The following SUSD1 variants were observed in gnomAD, a reference collection of about 807,000 sequenced individuals.
SUSD1 encodes sushi domain-containing protein 1.
SUSD1 carries 65 observed loss-of-function variants against 86.9 expected under a neutral mutation model. The observed-to-expected ratio is 0.75, with a 90% CI of 0.61 to 0.92. SUSD1 has a LOEUF of 0.92. Ranked by LOEUF, SUSD1 falls within the 40% of genes least tolerant of loss-of-function variation. The probability of loss-of-function intolerance (pLI) is 0.00; values close to 1 mark genes in which losing one functional copy is unlikely to be tolerated. For missense variants in SUSD1, 850 were observed against 929.7 expected (o/e 0.91, Z 1.11); for synonymous variants, 346 against 350.0 (o/e 0.99, Z 0.13).
chr9:112,172,177 C>A (rs915141984), intron 1 of SUSD1, among the ~76,000 whole-genome samples: 1 of 144,104 alleles, frequency 6.9e-6, no homozygotes, highest in Admixed American at 7.2e-5. Context: ...CCAGCCTGGG[C>A]GACAGAGTGA....
chr9:112,070,021 T>C (rs1589607939), intron 12 of SUSD1, among the ~76,000 whole-genome samples: 1 of 152,222 alleles, frequency 6.6e-6, no homozygotes, highest in Admixed American at 6.5e-5. Context: ...CTTTTGCTTT[T>C]TGAGATGGAG....
chr9:112,129,573 A>T (rs1348559696), intron 5 of SUSD1, among the ~76,000 whole-genome samples: 2 of 152,230 alleles, frequency 1.3e-5, no homozygotes, highest in Non-Finnish European at 2.9e-5. Flanking sequence ...TCGCCCTCCC[A>T]AAGTGCTGGG....
In SUSD1 at chr9:112,113,611, AG is replaced by A. The variant is rs1423876015; in HGVS notation, c.887-744del. ...TGGTTGTGCAGACAGGAAGAACGAAAGGGGATCTAGCTTTTTATTTCTTTGA... is the reference window on the plus strand; with the variant it reads ...TGGTTGTGCAGACAGGAAGAACGAAAGGGATCTAGCTTTTTATTTCTTTGA... On this transcript the variant is annotated intron_variant, in intron 6 of 16. Coordinates refer to ENST00000374270, the MANE Select transcript of SUSD1 (RefSeq NM_022486.5). The surrounding 1 kb of genome is among the most constrained non-coding windows in gnomAD (Gnocchi z 4.1). Among the ~76,000 whole-genome samples, 1 of 152,210 alleles carries A rather than the reference AG, an allele frequency of 6.6e-6. No homozygotes were observed. The highest frequency in any genetic ancestry group is 1.5e-5 in the Non-Finnish European group (1 of 68,034).
intron 1 of SUSD1, among the ~76,000 whole-genome samples, chr9:112,162,259 T>G (rs1378518688): frequency 6.6e-6 from 1 of 152,214 alleles, no homozygotes. Context: ...TTGTTTTCAC[T>G]TGGGGGCTAA....
chr9:112,043,849 G>A (rs189279774), intron 15 of SUSD1, among the ~76,000 whole-genome samples: 33 of 152,086 alleles, frequency 2.2e-4, no homozygotes, highest in African/African-American at 6.5e-4. Context: ...CACCCAGGCT[G>A]GAGTGCAGTG....
rs762062313 is a variant in SUSD1 at position 112,078,617 on chromosome 9, C to G, written c.1674G>C (p.Pro558=). ...GGAGACTGACATTGTAGTTGGTACC[C>G]GGACGTAGGTCCAAGCACACCTCGG... ...RDPEVCLDLR[P]GTNYNVSLRA... is the part of the protein sequence containing the mutation. Residue 558 remains proline, a synonymous_variant, in exon 12 of 17, where the codon CCG becomes CCC. Coordinates refer to ENST00000374270, the MANE Select transcript of SUSD1 (RefSeq NM_022486.5). The G allele has an allele frequency of 6.2e-7, 1 of 1,613,848 alleles. No homozygotes were observed. Among genetic ancestry groups the G allele is most frequent in the Admixed American group, 1.7e-5 (1 of 59,992 alleles).
chr9:112,165,165 TTTAAC>T (rs1426824682), intron 1 of SUSD1, among the ~76,000 whole-genome samples: 2 of 152,184 alleles, frequency 1.3e-5, no homozygotes, highest in Non-Finnish European at 2.9e-5. Context: ...TATTTTTAAC[TTTAAC>T]TTTTGTGAGT....
Position 112,142,358 on chromosome 9 carries a change from C to G in SUSD1, c.668G>C (p.Gly223Ala), listed in dbSNP as rs566875389. ...VPEDTVSSCTGLGTWESPKLH... is the reference protein window; with the variant it reads ...VPEDTVSSCTALGTWESPKLH... ...TTTTGGGGACTCCCATGTGCCCAGG[C>G]CTGTGCAGCTTGAAACTGTATCTTC... is the stretch of plus-strand genomic sequence containing the variant. Residue 223 changes from glycine (G) to alanine (A), a missense_variant, in exon 5 of 17, where the codon GGC (glycine) becomes GCC (alanine). Physicochemically the swap from Gly to Ala is moderately conservative, Grantham distance 60. Transcript: ENST00000374270. 6.2e-7 allele frequency: 1 copy of G among 1,613,840 alleles called. No homozygotes were observed. The highest frequency in any genetic ancestry group is 1.3e-5 in the African/African-American group (1 of 75,014).
At position 112,064,039 on chromosome 9, in the gene SUSD1, CT is replaced by C. The variant is rs1297631906; in HGVS notation, c.1754-1007del. Among the ~76,000 whole-genome samples, 54 of 52,772 alleles carry C rather than the reference CT, an allele frequency of 1.0e-3. 3 individuals carry two copies. The highest frequency in any genetic ancestry group is 7.4e-4 in the South Asian group (1 of 1,358). The allele number at this position is 52,772 out of a possible 152,430, so 34.6% of individuals were successfully genotyped here. A position where few individuals can be genotyped will look rare whatever the true frequency, so the allele number is the denominator to read the frequency against. On this transcript the variant is annotated intron_variant, in intron 12 of 16. Transcript: ENST00000374270. ...CATCCTTATTTTTTTATTTTTCTTT[CT>C]TTTTTTGGGGGGGGGGCGGGTGGGG...
At chr9:112,053,545 A>G (rs1828319282) in intron 14 of SUSD1, among the ~76,000 whole-genome samples, 1 of 151,066 alleles carries the variant, frequency 6.6e-6, no homozygotes, top group Non-Finnish European at 1.5e-5. Flanking sequence ...AAAATCTGAG[A>G]AAAGCTTAAA....
chr9:112,069,943 T>G (rs1379131899), intron 12 of SUSD1, among the ~76,000 whole-genome samples: 1 of 152,166 alleles, frequency 6.6e-6, no homozygotes, highest in Non-Finnish European at 1.5e-5. Flanking sequence ...TGAGACCATT[T>G]TCTGCTCTGT....
chr9:112,063,343 C>T (rs1301904161), intron 12 of SUSD1, among the ~76,000 whole-genome samples: 2 of 152,094 alleles, frequency 1.3e-5, no homozygotes, highest in African/African-American at 4.8e-5. Context: ...CAGAGGTTCT[C>T]CTTGGGGTGA....
At chr9:112,104,836 G>T (rs75295541) in intron 8 of SUSD1, 1 of 152,062 alleles carries the variant, frequency 6.6e-6, no homozygotes, top group African/African-American at 2.4e-5. Context: ...AATCCAGAAT[G>T]GGGGGGAAAA....
intron 2 of SUSD1, 29 bp downstream of exon 2, chr9:112,157,471 T>C (rs1463589315): frequency 6.6e-7 from 1 of 1,514,834 alleles, no homozygotes. Flanking sequence ...GATTCAGCTT[T>C]TCAACTTAAC....
Position 112,113,407 on chromosome 9 carries a change from G to A in SUSD1, c.887-539C>T, listed in dbSNP as rs1260665702. 2.0e-5 allele frequency among the ~76,000 whole-genome samples: 3 copies of A among 152,226 alleles called. No individual in the cohort carries two copies. Among genetic ancestry groups the A allele is most frequent in the Non-Finnish European group, 4.4e-5 (3 of 68,038 alleles). On this transcript the variant is annotated intron_variant, in intron 6 of 16. Transcript: ENST00000374270. This position sits in a 1 kb window ranked among gnomAD's most constrained non-coding sequence, Gnocchi z 4.1. ...GTTCCTAGGTACTTCTGGGACTCCTGTAACTGAAGCTATTTAATCCTGGTC... is the reference window on the plus strand; with the variant it reads ...GTTCCTAGGTACTTCTGGGACTCCTATAACTGAAGCTATTTAATCCTGGTC...
At chr9:112,064,046 T>TTTTTTTTTTTTTTTTTTTTTTTTGGG (rs1491139474) in intron 12 of SUSD1, among the ~76,000 whole-genome samples, 1 of 78,656 alleles carries the variant, frequency 1.3e-5, no homozygotes, top group Admixed American at 1.3e-4. Flanking sequence ...TTTCTTTTTT[T>TTTTTTTTTTTTTTTTTTTTTTTTGGG]GGGGGGGGGG....
chr9:112,155,124 G>A (rs1432567956), intron 2 of SUSD1, among the ~76,000 whole-genome samples: 2 of 151,864 alleles, frequency 1.3e-5, no homozygotes, highest in Non-Finnish European at 2.9e-5. Context: ...GGTGGTGCCC[G>A]CCTGTAATCC....
intron 1 of SUSD1, among the ~76,000 whole-genome samples, chr9:112,167,593 G>A (rs1422076471): frequency 6.6e-6 from 1 of 152,218 alleles, no homozygotes; most frequent in East Asian, 1.9e-4. Context: ...TATTTGGCAT[G>A]GTGGTTACAA....
intron 1 of SUSD1, among the ~76,000 whole-genome samples, chr9:112,170,845 G>A (rs111275415): frequency 0.029 from 4,369 of 151,834 alleles, 122 homozygotes; most frequent in Non-Finnish European, 0.033. Context: ...GAGTAGCTAG[G>A]ATTACAAGCG....
Sources: gnomAD v4.1 joint callset for allele counts (sites outside exome capture counted in the v4.1 genomes callset) on GRCh38, gnomAD v4.1.1 for gene constraint, Gnocchi (gnomAD v3.1) non-coding constraint, MANE v1.5 for transcripts, NCBI Gene and HGNC (gene_info 2026-07-23, HGNC 2026-07-21) for gene names.